The following U2AF2 variants were observed in gnomAD, a reference collection of about 807,000 sequenced individuals.
The protein encoded by U2AF2 is U2 small nuclear RNA auxiliary factor 2.
Under a neutral mutation model 52.6 loss-of-function variants are expected in U2AF2, and 6 were observed. The observed-to-expected ratio is 0.11, with a 90% confidence interval of 0.06 to 0.23. The LOEUF (loss-of-function observed/expected upper bound fraction) is 0.23, where lower values mean the gene tolerates loss of function less well. Among genes scored for constraint, U2AF2 ranks in the 10% least tolerant of loss-of-function variants. The pLI is 1.00. For missense variants in U2AF2, 222 were observed against 677.1 expected (o/e 0.33, Z 7.46); for synonymous variants, 284 against 258.2 (o/e 1.10, Z -0.96).
intron 6 of U2AF2, among the ~76,000 whole-genome samples, chr19:55,663,344 C>T (rs1168610878): frequency 6.6e-6 from 1 of 152,182 alleles, no homozygotes; most frequent in Non-Finnish European, 1.5e-5. Flanking sequence ...AGCACTTTGT[C>T]CCTCTTCCGT....
In U2AF2 at chr19:55,659,228, G is replaced by A. The variant is rs1456694067; in HGVS notation, c.68G>A (p.Arg23Gln). The A allele has an allele frequency of 4.4e-6, 7 of 1,595,358 alleles. No homozygotes were observed. Among genetic ancestry groups the A allele is most frequent in the South Asian group, 2.2e-5 (2 of 89,526 alleles). ...TGCCCAGAGCGGGACAAGGAGAACC[G>A]GCATCGGAAGCGCAGCCACAGCCGC... ...ENKQERDKENRHRKRSHSRSR... is the reference protein window; with the variant it reads ...ENKQERDKENQHRKRSHSRSR... Residue 23 changes from arginine (R) to glutamine (Q), a missense_variant, in exon 2 of 12, where the codon CGG becomes CAG. Coordinates refer to ENST00000308924, the MANE Select transcript of U2AF2 (RefSeq NM_007279.3).
At position 55,663,580 on chromosome 19, in the gene U2AF2, T is replaced by A. The variant is rs777768357; in HGVS notation, c.604-26T>A. 29 of 1,610,114 alleles carry A rather than the reference T, an allele frequency of 1.8e-5. 1 individual carries two copies. Among genetic ancestry groups the A allele is most frequent in the Non-Finnish European group, 5.1e-6 (6 of 1,177,048 alleles). On this transcript the variant is annotated intron_variant, in intron 6 of 11. Transcript: ENST00000308924. ...TGTACTAGTCCCTGACCCCCATCCC[T>A]CACCACTCCTTTCTCTTTCATTCAG...
chr19:55,666,811 A>G (rs537437934), intron 7 of U2AF2, among the ~76,000 whole-genome samples: 1 of 152,292 alleles, frequency 6.6e-6, no homozygotes, highest in South Asian at 2.1e-4. Flanking sequence ...CTGAGCTTCC[A>G]GTGTGACCCA....
rs748047029 is a variant in U2AF2 at position 55,662,574 on chromosome 19, T to C, written c.559T>C (p.Leu187=). Residue 187 remains leucine, a synonymous_variant, in exon 6 of 12, where the codon TTG becomes CTG. Coordinates refer to ENST00000308924, the MANE Select transcript of U2AF2 (RefSeq NM_007279.3). ...GACCCAGGCCCCTGGCAACCCAGTG[T>C]TGGCTGTGCAGATTAACCAGGACAA... ...GLTQAPGNPV[L]AVQINQDKNF... 2.9e-5 allele frequency: 47 copies of C among 1,608,962 alleles called. 1 individual carries two copies. In the East Asian group the frequency reaches 1.1e-3, roughly 36 times the overall value.
chr19:55,664,687 A>G (rs1984429654), intron 7 of U2AF2, among the ~76,000 whole-genome samples: 1 of 152,134 alleles, frequency 6.6e-6, no homozygotes, highest in African/African-American at 2.4e-5. Flanking sequence ...GACTTGGGCT[A>G]GGTCCCTCAC....
In U2AF2 at chr19:55,668,399, C is replaced by T; in HGVS notation, c.743-108C>T. On this transcript the variant is annotated intron_variant, in intron 7 of 11. Transcript: ENST00000308924. This position sits in a 1 kb window ranked among gnomAD's most constrained non-coding sequence, Gnocchi z 5.5. The stretch of plus-strand genomic sequence containing the variant: ...CGTGGCGACCCCTCCCTCGTCAGAT[C>T]AGGCAGGAAGTGTTCTCTTTGGCAA... 2 of 1,117,858 alleles carry T rather than the reference C, an allele frequency of 1.8e-6. No homozygotes were observed. Among genetic ancestry groups the T allele is most frequent in the South Asian group, 1.8e-5 (1 of 56,706 alleles). 69.2% of individuals were successfully genotyped at this position (1,117,858 alleles called of 1,614,324 possible). A position where few individuals can be genotyped will look rare whatever the true frequency, so the allele number is the denominator to read the frequency against.
intron 7 of U2AF2, among the ~76,000 whole-genome samples, chr19:55,667,800 C>G (rs1168345535): frequency 6.7e-6 from 1 of 148,916 alleles, no homozygotes; most frequent in Non-Finnish European, 1.5e-5. Context: ...TTTTTTTTTC[C>G]TTTGAGATGG....
intron 1 of U2AF2, 50 bp from the exon 2 acceptor site, chr19:55,659,160 C>T (rs202221242): frequency 6.8e-7 from 1 of 1,474,434 alleles, no homozygotes; most frequent in Non-Finnish European, 9.0e-7. Context: ...TGGGCTGGGC[C>T]CGCATCCTTA....
intron 1 of U2AF2, among the ~76,000 whole-genome samples, chr19:55,657,028 T>A (rs1435641745): frequency 6.6e-6 from 1 of 152,228 alleles, no homozygotes; most frequent in Admixed American, 6.5e-5. Context: ...ATGGTTTTTG[T>A]TGTTCATAAG....
At position 55,674,358 on chromosome 19, in the gene U2AF2, C is replaced by T. The variant is rs1233097143; in HGVS notation, c.*290C>T. ...GATGGGGACAGGGTGCACAGCAGGG[C>T]GGGGTAGGACCCCAGCCCCTCCCAA... is the stretch of plus-strand genomic sequence containing the variant. On this transcript the variant is annotated 3_prime_UTR_variant, in exon 12 of 12. Coordinates refer to ENST00000308924, the MANE Select transcript of U2AF2 (RefSeq NM_007279.3). 5.6e-6 allele frequency: 2 copies of T among 356,844 alleles called. No individual in the cohort carries two copies. The highest frequency in any genetic ancestry group is 5.8e-5 in the East Asian group (1 of 17,318). The allele number at this position is 356,844 out of a possible 1,614,324, so 22.1% of individuals were successfully genotyped here.
chr19:55,662,447 C>T lies in U2AF2; in HGVS notation c.487-55C>T. The T allele has an allele frequency of 2.9e-6, 3 of 1,017,034 alleles. No homozygotes were observed. The South Asian group carries it at 4.6e-5, about 16-fold the overall frequency. The allele number at this position is 1,017,034 out of a possible 1,614,324, so 63.0% of individuals were successfully genotyped here. The stretch of plus-strand genomic sequence containing the variant: ...TGTCTCCCTCTCTCACCCTTCCCCT[C>T]CTCTCTCCACCTCCCTTCCCCCGCC... On this transcript the variant is annotated intron_variant, in intron 5 of 11. Transcript: ENST00000308924.
At chr19:55,671,731 A>C (rs1320099957) in intron 11 of U2AF2, 1 of 152,272 alleles carries the variant, frequency 6.6e-6, no homozygotes, top group African/African-American at 2.4e-5. Flanking sequence ...TGGTGCTGGG[A>C]TGGAGCTTGG....
intron 11 of U2AF2, chr19:55,671,958 C>T (rs1181351726): frequency 1.3e-5 from 2 of 152,060 alleles, no homozygotes; most frequent in African/African-American, 4.8e-5. Flanking sequence ...AACCCCATCT[C>T]TACTAAAAAA....
At chr19:55,669,358 G>C (rs954774486) in intron 10 of U2AF2, 86 bp from the exon 11 acceptor site, 6 of 1,543,988 alleles carry the variant, frequency 3.9e-6, no homozygotes, top group African/African-American at 1.4e-5. Flanking sequence ...CTTTCCCCTG[G>C]GGGGGCATGT....
chr19:55,657,961 G>A (rs1439668544), intron 1 of U2AF2, among the ~76,000 whole-genome samples: 1 of 152,206 alleles, frequency 6.6e-6, no homozygotes, highest in African/African-American at 2.4e-5. Flanking sequence ...GATTCCGGTT[G>A]TAGGAAGCAT....
At position 55,668,235 on chromosome 19, in the gene U2AF2, C is replaced by A. The variant is rs578036853; in HGVS notation, c.743-272C>A. On this transcript the variant is annotated intron_variant, in intron 7 of 11. Coordinates refer to ENST00000308924, the MANE Select transcript of U2AF2 (RefSeq NM_007279.3). This position sits in a 1 kb window ranked among gnomAD's most constrained non-coding sequence, Gnocchi z 5.5. The stretch of plus-strand genomic sequence containing the variant: ...GGGTGTGAACTTTGTGCCTTTGGAG[C>A]GTTCTGGAGGATGTTCTAGTTTGAG... 6.6e-6 allele frequency among the ~76,000 whole-genome samples: 1 copy of A among 152,040 alleles called. No individual in the cohort carries two copies. Among genetic ancestry groups the A allele is most frequent in the Non-Finnish European group, 1.5e-5 (1 of 68,024 alleles).
intron 6 of U2AF2, among the ~76,000 whole-genome samples, chr19:55,663,047 C>T (rs1213079593): frequency 3.9e-5 from 6 of 151,956 alleles, no homozygotes; most frequent in Admixed American, 2.6e-4. Context: ...TCTCAACTGT[C>T]GGGAAAAGGC....
intron 7 of U2AF2, among the ~76,000 whole-genome samples, chr19:55,666,562 G>C (rs778247660): frequency 6.6e-6 from 1 of 152,228 alleles, no homozygotes; most frequent in Admixed American, 6.5e-5. Flanking sequence ...GGGGACTGCC[G>C]TGCCTGTTCT....
Position 55,668,750 on chromosome 19 carries a change from C to T in U2AF2, c.903C>T (p.Gly301=). 6.2e-7 allele frequency: 1 copy of T among 1,613,764 alleles called. No homozygotes were observed. The highest frequency in any genetic ancestry group is 8.5e-7 in the Non-Finnish European group (1 of 1,179,788). The part of the protein sequence containing the change: ...VKDSATGLSK[G]YAFCEYVDIN... Reference sequence around the variant, plus strand: ...ACAGTGCCACGGGGCTCTCCAAGGGCTACGCCTTCTGTGAGTACGTGGACA... The same window carrying T: ...ACAGTGCCACGGGGCTCTCCAAGGGTTACGCCTTCTGTGAGTACGTGGACA... Residue 301 remains glycine, a synonymous_variant, in exon 9 of 12, where the codon GGC becomes GGT. Transcript: ENST00000308924. This position sits in a 1 kb window ranked among gnomAD's most constrained non-coding sequence, Gnocchi z 5.5.
Sources: allele counts gnomAD v4.1 joint callset (sites outside exome capture counted in the v4.1 genomes callset), GRCh38; gene constraint gnomAD v4.1.1; non-coding constraint Gnocchi (gnomAD v3.1); transcripts MANE v1.5; gene names NCBI Gene and HGNC (gene_info 2026-07-23, HGNC 2026-07-21).